GPR153: variants seen among roughly 807,000 people sequenced by gnomAD.
GPR153 encodes G protein-coupled receptor 153.
Under a neutral mutation model 34.1 loss-of-function variants are expected in GPR153, and 27 were observed. That is an observed-to-expected ratio of 0.79 (90% CI 0.58 to 1.09). The LOEUF (loss-of-function observed/expected upper bound fraction) is 1.09. GPR153 is among the 50% of genes least tolerant of loss of function. The pLI, the probability that GPR153 is intolerant of heterozygous loss-of-function variation, is 0.00. For missense variants in GPR153, 848 were observed against 860.2 expected, an observed-to-expected ratio of 0.99 and a Z score of 0.18; for synonymous variants, 408 against 405.4, an observed-to-expected ratio of 1.01 and a Z score of -0.08.
intron 1 of GPR153, among the ~76,000 whole-genome samples, chr1:6,257,086 G>A (rs189420291): frequency 6.6e-6 from 1 of 152,188 alleles, no homozygotes; most frequent in Admixed American, 6.5e-5. Context: ...TGCATCCTCA[G>A]GGAACCATCC....
chr1:6,249,913 C>T lies in GPR153; in HGVS notation c.1255G>A (p.Glu419Lys), dbSNP rs1363455035. The T allele has an allele frequency of 1.4e-5, 18 of 1,287,642 alleles. No individual in the cohort carries two copies. In the East Asian group the frequency reaches 5.3e-4, roughly 38 times the overall value. 79.8% of individuals were successfully genotyped at this position (1,287,642 alleles called of 1,614,324 possible). ...PAFLPRWGSGEDLAALAHLVL... is the reference protein window; with the variant it reads ...PAFLPRWGSGKDLAALAHLVL... ...AGGTGCGCCAGGGCGGCCAGGTCCT[C>T]GCCGGAGCCCCAGCGCGGCAGGAAG... Residue 419 changes from glutamate (E) to lysine (K), a missense_variant, in exon 6 of 6, where the codon GAG (glutamate) becomes AAG (lysine). By Grantham distance (56) the Glu-to-Lys change is moderately conservative. Transcript: ENST00000377893. The surrounding 1 kb of genome is among the most constrained non-coding windows in gnomAD (Gnocchi z 4.3).
At chr1:6,250,770 A>AGGGGTTC in intron 4 of GPR153, 146 bp from the exon 5 acceptor site, 1 of 578,708 alleles carries the variant, frequency 1.7e-6, no homozygotes, top group Non-Finnish European at 3.1e-6. Flanking sequence ...AGGGAATGGG[A>AGGGGTTC]GGGGTTCTGG....
Position 6,249,383 on chromosome 1 carries a change from CG to C in GPR153, c.1784del (p.Ser595TrpfsTer92). On this transcript the variant is annotated frameshift_variant, in exon 6 of 6. Coordinates refer to ENST00000377893, the MANE Select transcript of GPR153 (RefSeq NM_207370.4). LOFTEE classifies it high-confidence loss of function. This position sits in a 1 kb window ranked among gnomAD's most constrained non-coding sequence, Gnocchi z 4.3. Reference sequence around the variant, plus strand: ...AGTCCGAGTGCAGCGTGGCGTAGCCCGAGGACTCGGAGGGGGAACTCAGGAA... The same window carrying C: ...AGTCCGAGTGCAGCGTGGCGTAGCCCAGGACTCGGAGGGGGAACTCAGGAA... ...SSFLSSPSES[S>X]GYATLHSDSL... The C allele has an allele frequency of 7.3e-7, 1 of 1,367,074 alleles. No homozygotes were observed. The allele number at this position is 1,367,074 out of a possible 1,614,324, so 84.7% of individuals were successfully genotyped here. A position where few individuals can be genotyped will look rare whatever the true frequency, so the allele number is the denominator to read the frequency against.
intron 1 of GPR153, among the ~76,000 whole-genome samples, chr1:6,258,281 C>T (rs930606268): frequency 6.6e-5 from 10 of 152,206 alleles, no homozygotes; most frequent in Non-Finnish European, 1.2e-4. Flanking sequence ...GTGCCCGCCA[C>T]CACGCCCAGC....
At chr1:6,254,204 G>A in intron 2 of GPR153, 57 bp from the exon 3 acceptor site, 1 of 1,525,608 alleles carries the variant, frequency 6.6e-7, no homozygotes. Flanking sequence ...GGCCTCCCCA[G>A]GCCTCTGGGG....
At chr1:6,256,660 G>A (rs899202446) in intron 1 of GPR153, among the ~76,000 whole-genome samples, 1 of 152,046 alleles carries the variant, frequency 6.6e-6, no homozygotes, top group Non-Finnish European at 1.5e-5. Context: ...ATGAGCCGCC[G>A]TGCCTGGCCT....
rs562781607 is a variant in GPR153, at chr1:6,251,887, C to T, written c.787-357G>A. ...CATGGCTCACTGCAGCCTCCATCTC[C>T]TGGGCTTAAGAGATCCTCCTGCCTC... On this transcript the variant is annotated intron_variant, in intron 3 of 5. Coordinates refer to ENST00000377893, the MANE Select transcript of GPR153 (RefSeq NM_207370.4). The surrounding 1 kb of genome is among the most constrained non-coding windows in gnomAD (Gnocchi z 4.9). Among the ~76,000 whole-genome samples the T allele has an allele frequency of 8.5e-5, 13 of 152,328 alleles. No individual in the cohort carries two copies. The highest frequency in any genetic ancestry group is 3.1e-4 in the African/African-American group (13 of 41,570).
chr1:6,258,326 A>G (rs1442609719), intron 1 of GPR153, among the ~76,000 whole-genome samples: 1 of 152,050 alleles, frequency 6.6e-6, no homozygotes, highest in African/African-American at 2.4e-5. Context: ...ACGAGGTTTC[A>G]TCATGTTGGC....
Position 6,254,111 on chromosome 1 carries a change from G to T in GPR153, c.393C>A (p.Val131=). 6.2e-7 allele frequency: 1 copy of T among 1,613,092 alleles called. No homozygotes were observed. Among genetic ancestry groups the T allele is most frequent in the South Asian group, 1.1e-5 (1 of 91,052 alleles). ...TGAAGGACACCATCCAGATACCCAT[G>T]ACTGTGTGCACCGCCTGCTTCTTGG... The part of the protein sequence containing the change: ...SNAKKQAVHT[V]MGIWMVSFIL... Residue 131 remains valine, a synonymous_variant, in exon 3 of 6, where the codon GTC becomes GTA. Coordinates refer to ENST00000377893, the MANE Select transcript of GPR153 (RefSeq NM_207370.4).
chr1:6,251,931 G>T lies in GPR153; in HGVS notation c.787-401C>A, dbSNP rs1444972844. 2.0e-5 allele frequency among the ~76,000 whole-genome samples: 3 copies of T among 152,198 alleles called. No homozygotes were observed. Among genetic ancestry groups the T allele is most frequent in the African/African-American group, 7.2e-5 (3 of 41,438 alleles). ...CTGCCTCGGCCTCCCAAAGTGCTGGGATTACGGGTATGAATCACTGTGCCC... is the reference window on the plus strand; with the variant it reads ...CTGCCTCGGCCTCCCAAAGTGCTGGTATTACGGGTATGAATCACTGTGCCC... On this transcript the variant is annotated intron_variant, in intron 3 of 5. Transcript: ENST00000377893. This position sits in a 1 kb window ranked among gnomAD's most constrained non-coding sequence, Gnocchi z 4.9.
intron 3 of GPR153, among the ~76,000 whole-genome samples, chr1:6,253,471 C>T (rs555318283): frequency 6.6e-6 from 1 of 152,330 alleles, no homozygotes; most frequent in Admixed American, 6.5e-5. Flanking sequence ...AACTCTTCTG[C>T]ACTGTAGCAG....
At position 6,248,863 on chromosome 1, in the gene GPR153, T is replaced by TC. The variant is rs369336095; in HGVS notation, c.*474dup. On this transcript the variant is annotated 3_prime_UTR_variant, in exon 6 of 6. Transcript: ENST00000377893. ...CTGTGCTTAGAGACCCTCTGTACCC[T>TC]CCCCCCCCCCGAAGGGTGTGGCGGT... 0.014 allele frequency: 1,951 copies of TC among 143,212 alleles called. 23 individuals are homozygous for TC. The highest frequency in any genetic ancestry group is 0.033 in the African/African-American group (1,259 of 38,528). 8.9% of individuals were successfully genotyped at this position (143,212 alleles called of 1,614,324 possible).
chr1:6,248,813 A>C lies in GPR153; in HGVS notation c.*525T>G, dbSNP rs565151549. ...GGTCGGAAGCAGGGAAACCTGATCA[A>C]AGCTTGTTCGGGCTCTGAACACCCC... On this transcript the variant is annotated 3_prime_UTR_variant, in exon 6 of 6. Transcript: ENST00000377893. The C allele has an allele frequency of 3.9e-5, 6 of 152,322 alleles. No individual in the cohort carries two copies. The highest frequency in any genetic ancestry group is 8.8e-5 in the Non-Finnish European group (6 of 68,262). 9.4% of individuals were successfully genotyped at this position (152,322 alleles called of 1,614,324 possible).
chr1:6,255,518 A>T (rs1031685550), intron 1 of GPR153, among the ~76,000 whole-genome samples: 3 of 151,756 alleles, frequency 2.0e-5, no homozygotes, highest in African/African-American at 7.3e-5. Flanking sequence ...TCTATCACCC[A>T]GGCTGGAGTG....
chr1:6,259,496 C>CT (rs1421936164), intron 1 of GPR153, among the ~76,000 whole-genome samples: 39 of 92,406 alleles, frequency 4.2e-4, no homozygotes, highest in Admixed American at 2.7e-4. Flanking sequence ...GGGAAAAGGG[C>CT]ATTTTTTTTT....
chr1:6,249,240 C>A lies in GPR153; in HGVS notation c.*98G>T. Reference sequence around the variant, plus strand: ...GCCCCCTCACCCCTGGGAGGGGTGGCGCATGTCTGCGCGCGGGGCGGAGGC... The same window carrying A: ...GCCCCCTCACCCCTGGGAGGGGTGGAGCATGTCTGCGCGCGGGGCGGAGGC... On this transcript the variant is annotated 3_prime_UTR_variant, in exon 6 of 6. Coordinates refer to ENST00000377893, the MANE Select transcript of GPR153 (RefSeq NM_207370.4). This position sits in a 1 kb window ranked among gnomAD's most constrained non-coding sequence, Gnocchi z 4.3. 1.1e-6 allele frequency: 1 copy of A among 904,270 alleles called. No homozygotes were observed. Among genetic ancestry groups the A allele is most frequent in the Non-Finnish European group, 1.5e-6 (1 of 688,840 alleles). The allele number at this position is 904,270 out of a possible 1,614,324, so 56.0% of individuals were successfully genotyped here. A position where few individuals can be genotyped will look rare whatever the true frequency, so the allele number is the denominator to read the frequency against.
In GPR153 at chr1:6,249,800, C is replaced by G. The variant is rs1557610918; in HGVS notation, c.1368G>C (p.Ser456=). Residue 456 remains serine (S), a synonymous_variant, in exon 6 of 6, where the codon TCG becomes TCC. Transcript: ENST00000377893. The surrounding 1 kb of genome is among the most constrained non-coding windows in gnomAD (Gnocchi z 4.3). Reference sequence around the variant, plus strand: ...GCCGCAGCGACAGCAGGCTCTCGGCCGAGCGGCGGCGCGCGCGGGACGGTG... The same window carrying G: ...GCCGCAGCGACAGCAGGCTCTCGGCGGAGCGGCGGCGCGCGCGGGACGGTG... ...DAPPSRARRR[S]AESLLSLRPS... 1 of 1,186,892 alleles carries G rather than the reference C, an allele frequency of 8.4e-7. No individual in the cohort carries two copies. The highest frequency in any genetic ancestry group is 1.0e-6 in the Non-Finnish European group (1 of 960,276). 73.5% of individuals were successfully genotyped at this position (1,186,892 alleles called of 1,614,324 possible). A position where few individuals can be genotyped will look rare whatever the true frequency, so the allele number is the denominator to read the frequency against.
intron 1 of GPR153, 144 bp from the exon 2 acceptor site, chr1:6,255,158 T>A (rs1638538482): frequency 2.4e-6 from 1 of 414,328 alleles, no homozygotes; most frequent in East Asian, 3.7e-5. Context: ...TTAAAACGTG[T>A]TGAGATTTAA....
chr1:6,257,360 C>T (rs12048815), intron 1 of GPR153, among the ~76,000 whole-genome samples: 92,229 of 152,112 alleles, frequency 0.61, 29,446 homozygotes, highest in Admixed American at 0.72. Context: ...TGGTCACCAC[C>T]TTCCTGACCA....
Sources: allele counts gnomAD v4.1 joint callset (sites outside exome capture counted in the v4.1 genomes callset), GRCh38; gene constraint gnomAD v4.1.1; non-coding constraint Gnocchi (gnomAD v3.1); transcripts MANE v1.5; gene names NCBI Gene and HGNC (gene_info 2026-07-23, HGNC 2026-07-21).